The following KCNH5 variants were observed in gnomAD, a reference collection of about 807,000 sequenced individuals.
KCNH5 encodes voltage-gated delayed rectifier potassium channel KCNH5.
Under a neutral mutation model 96.1 loss-of-function variants are expected in KCNH5, and 46 were observed. The observed-to-expected ratio is 0.48, with a 90% CI of 0.38 to 0.61. The LOEUF is 0.61. Among genes scored for constraint, KCNH5 ranks in the 20% least tolerant of loss-of-function variants. KCNH5 has a pLI of 0.00. For missense variants in KCNH5, 907 were observed against 1,225.8 expected (o/e 0.74, Z 3.88); for synonymous variants, 439 against 449.8 (o/e 0.98, Z 0.30).
intron 10 of KCNH5, among the ~76,000 whole-genome samples, chr14:62,731,072 AGGAG>A (rs1885038596): frequency 2.0e-5 from 3 of 152,082 alleles, no homozygotes; most frequent in African/African-American, 7.2e-5. Flanking sequence ...AGGCTGAGGC[AGGAG>A]GATCACTTGA....
chr14:62,959,152 C>CA (rs961779807), intron 6 of KCNH5, among the ~76,000 whole-genome samples: 3 of 151,908 alleles, frequency 2.0e-5, no homozygotes, highest in Non-Finnish European at 4.4e-5. Flanking sequence ...CTCAAACATA[C>CA]AAAAAAACAG....
At chr14:62,781,415 G>T (rs958429299) in intron 9 of KCNH5, among the ~76,000 whole-genome samples, 8 of 152,210 alleles carry the variant, frequency 5.3e-5, no homozygotes, top group Non-Finnish European at 1.2e-4. Flanking sequence ...AGCGTTTTGA[G>T]ATCAACCGGT....
intron 8 of KCNH5, among the ~76,000 whole-genome samples, chr14:62,829,197 G>A (rs1476829036): frequency 6.6e-6 from 1 of 152,134 alleles, no homozygotes; most frequent in Non-Finnish European, 1.5e-5. Flanking sequence ...TCATGGGCTG[G>A]TGTTGAGTGC....
At chr14:62,771,012 T>C (rs1367145288) in intron 10 of KCNH5, among the ~76,000 whole-genome samples, 1 of 152,060 alleles carries the variant, frequency 6.6e-6, no homozygotes, top group Admixed American at 6.6e-5. Flanking sequence ...AGGACTTGTG[T>C]CTTTATAACA....
At chr14:62,839,237 C>A (rs1887526431) in intron 8 of KCNH5, among the ~76,000 whole-genome samples, 1 of 152,092 alleles carries the variant, frequency 6.6e-6, no homozygotes, top group South Asian at 2.1e-4. Flanking sequence ...ATCATATTTT[C>A]TTTTTCTAGC....
chr14:62,829,258 T>C (rs1887291326), intron 8 of KCNH5, among the ~76,000 whole-genome samples: 1 of 152,138 alleles, frequency 6.6e-6, no homozygotes, highest in South Asian at 2.1e-4. Flanking sequence ...TCTACCATTC[T>C]GGGGTCGGGA....
At position 63,024,208 on chromosome 14, in the gene KCNH5, C is replaced by CAA. The variant is rs574336970; in HGVS notation, c.74-7256_74-7255dup. 1.7e-3 allele frequency among the ~76,000 whole-genome samples: 245 copies of CAA among 140,288 alleles called. 10 individuals carry two copies. The highest frequency in any genetic ancestry group is 6.2e-3 in the African/African-American group (236 of 37,970). The allele number at this position is 140,288 out of a possible 152,430, so 92.0% of individuals were successfully genotyped here. On this transcript the variant is annotated intron_variant, in intron 1 of 10. Transcript: ENST00000322893. ...TGGGCAATAGAGTGAGACTCCATCT[C>CAA]AAAAAATATATATATATATATCTTG...
intron 10 of KCNH5, among the ~76,000 whole-genome samples, chr14:62,754,745 T>A: frequency 6.6e-6 from 1 of 151,434 alleles, no homozygotes; most frequent in African/African-American, 2.4e-5. Flanking sequence ...CATGGGGGTG[T>A]GTGGCTTTAG....
Position 62,980,984 on chromosome 14 carries a change from A to T in KCNH5, c.830T>A (p.Val277Asp). The T allele has an allele frequency of 6.2e-7, 1 of 1,614,050 alleles. No individual in the cohort carries two copies. The highest frequency in any genetic ancestry group is 8.5e-7 in the Non-Finnish European group (1 of 1,179,996). Residue 277 changes from valine (V) to aspartate (D), a missense_variant, in exon 6 of 11, where the codon GTC becomes GAC. Val to Asp is a radical substitution (Grantham distance 152). Transcript: ENST00000322893. ...HTTFVGPGGE[V>D]ISDPKLIRMN... ...CCTTATGAGCTTAGGGTCAGAAATG[A>T]CCTCTCCACCGGGCCCCACGAAAGT... is the stretch of plus-strand genomic sequence containing the variant.
chr14:62,858,443 T>C (rs1887971536), intron 7 of KCNH5, among the ~76,000 whole-genome samples: 1 of 152,110 alleles, frequency 6.6e-6, no homozygotes, highest in Non-Finnish European at 1.5e-5. Context: ...GTTCCTTACC[T>C]CCACTAGGGA....
chr14:62,871,903 T>C (rs1429729930), intron 7 of KCNH5, among the ~76,000 whole-genome samples: 1 of 152,152 alleles, frequency 6.6e-6, no homozygotes, highest in Admixed American at 6.5e-5. Flanking sequence ...GACTGAGTCA[T>C]TGTTTGTGTT....
chr14:62,898,412 TA>T (rs1888857820), intron 7 of KCNH5, among the ~76,000 whole-genome samples: 1 of 152,084 alleles, frequency 6.6e-6, no homozygotes, highest in Non-Finnish European at 1.5e-5. Context: ...GCTGAAATAA[TA>T]GACTTGGAGA....
chr14:62,805,949 G>A (rs1332692158), intron 8 of KCNH5, among the ~76,000 whole-genome samples: 4 of 152,152 alleles, frequency 2.6e-5, no homozygotes, highest in Non-Finnish European at 5.9e-5. Context: ...AAGCTACTGG[G>A]CTGCATTTCC....
intron 7 of KCNH5, among the ~76,000 whole-genome samples, chr14:62,876,728 A>C (rs957251120): frequency 1.3e-5 from 2 of 152,218 alleles, no homozygotes; most frequent in Admixed American, 6.5e-5. Context: ...CATAAGGGTA[A>C]ATATGTAATC....
At chr14:62,974,220 A>C (rs1318371191) in intron 6 of KCNH5, among the ~76,000 whole-genome samples, 1 of 152,110 alleles carries the variant, frequency 6.6e-6, no homozygotes, top group Non-Finnish European at 1.5e-5. Context: ...TTTTATGTTT[A>C]TCACTTATTA....
chr14:62,931,479 C>T (rs765272844), intron 7 of KCNH5, among the ~76,000 whole-genome samples: 14 of 151,962 alleles, frequency 9.2e-5, no homozygotes, highest in African/African-American at 2.7e-4. Flanking sequence ...AAATGGATTG[C>T]GTAAAGCCAT....
chr14:62,858,997 G>A (rs1232543651), intron 7 of KCNH5, among the ~76,000 whole-genome samples: 1 of 152,196 alleles, frequency 6.6e-6, no homozygotes, highest in Non-Finnish European at 1.5e-5. Context: ...TGTAAAGTGA[G>A]TGCCTTGGTC....
chr14:62,877,317 T>C (rs1157526767), intron 7 of KCNH5, among the ~76,000 whole-genome samples: 2 of 151,374 alleles, frequency 1.3e-5, no homozygotes, highest in Admixed American at 1.3e-4. Flanking sequence ...CCAAAAGCAA[T>C]GGCAACAAAA....
chr14:63,022,181 C>T (rs967234005), intron 1 of KCNH5, among the ~76,000 whole-genome samples: 15 of 152,184 alleles, frequency 9.9e-5, no homozygotes, highest in African/African-American at 3.6e-4. Context: ...GGGCCACCAT[C>T]CATACAATTT....
Sources: gnomAD v4.1 joint callset for allele counts (sites outside exome capture counted in the v4.1 genomes callset) on GRCh38, gnomAD v4.1.1 for gene constraint, MANE v1.5 for transcripts, NCBI Gene and HGNC (gene_info 2026-07-23, HGNC 2026-07-21) for gene names.